LRRC7: variants seen among roughly 807,000 people sequenced by gnomAD.
The protein encoded by LRRC7 is leucine-rich repeat-containing protein 7.
LRRC7 carries 23 observed loss-of-function variants against 175.7 expected under a neutral mutation model. That is an observed-to-expected ratio of 0.13 (90% CI 0.09 to 0.19). LRRC7 has a LOEUF of 0.19. Ranked by LOEUF, LRRC7 falls within the 10% of genes least tolerant of loss-of-function variation. The pLI, the probability that LRRC7 is intolerant of heterozygous loss-of-function variation, is 1.00. For missense variants in LRRC7, 1,354 were observed against 1,904.7 expected (o/e 0.71, Z 5.38); for synonymous variants, 685 against 680.9 (o/e 1.01, Z -0.09).
At chr1:69,646,764 A>C (rs542572180) in intron 1 of LRRC7, among the ~76,000 whole-genome samples, 1 of 152,188 alleles carries the variant, frequency 6.6e-6, no homozygotes, top group Non-Finnish European at 1.5e-5. Flanking sequence ...CCTCTATAGT[A>C]GTGCTTATCA....
At chr1:69,919,438 A>T (rs1413836683) in intron 7 of LRRC7, 3 of 947,438 alleles carry the variant, frequency 3.2e-6, no homozygotes, top group Non-Finnish European at 4.9e-6. Context: ...CTTCAACCAC[A>T]TCACTAACCC....
intron 1 of LRRC7, among the ~76,000 whole-genome samples, chr1:69,660,550 T>C (rs1158956999): frequency 6.6e-6 from 1 of 151,976 alleles, no homozygotes; most frequent in East Asian, 1.9e-4. Context: ...AATGTTGATG[T>C]AGGAGTGGTA....
intron 1 of LRRC7, among the ~76,000 whole-genome samples, chr1:69,599,786 T>A (rs534969201): frequency 2.6e-4 from 40 of 152,282 alleles, no homozygotes; most frequent in African/African-American, 9.4e-4. Context: ...GAAGGATAAA[T>A]CTATTTTCAC....
intron 4 of LRRC7, among the ~76,000 whole-genome samples, chr1:69,798,708 C>G (rs1044340112): frequency 2.0e-5 from 3 of 152,062 alleles, no homozygotes; most frequent in African/African-American, 7.2e-5. Context: ...TTCCCACTTC[C>G]TCCCTCTCAG....
At chr1:69,714,539 A>T (rs1196601378) in intron 2 of LRRC7, among the ~76,000 whole-genome samples, 1 of 152,166 alleles carries the variant, frequency 6.6e-6, no homozygotes, top group African/African-American at 2.4e-5. Flanking sequence ...GCTTCCTGGA[A>T]GAGGAAGCTC....
At chr1:70,022,410 G>A (rs1230308877) in intron 16 of LRRC7, 1 of 152,076 alleles carries the variant, frequency 6.6e-6, no homozygotes, top group Non-Finnish European at 1.5e-5. Flanking sequence ...TGTATTCAAA[G>A]AATGCAAGAA....
At chr1:69,915,257 G>C (rs981083267) in intron 7 of LRRC7, among the ~76,000 whole-genome samples, 1 of 152,164 alleles carries the variant, frequency 6.6e-6, no homozygotes, top group African/African-American at 2.4e-5. Context: ...TGAATATTGG[G>C]AGCGGAGGCG....
chr1:70,074,145 T>A (rs1200530091), intron 23 of LRRC7, among the ~76,000 whole-genome samples: 1 of 150,130 alleles, frequency 6.7e-6, no homozygotes, highest in Non-Finnish European at 1.5e-5. Flanking sequence ...GAGGATGCAG[T>A]GCACCAAGAT....
intron 1 of LRRC7, among the ~76,000 whole-genome samples, chr1:69,611,184 A>G (rs746571902): frequency 2.5e-4 from 38 of 151,940 alleles, no homozygotes; most frequent in Non-Finnish European, 7.4e-5. Flanking sequence ...AAGTCACACC[A>G]CTTTAATATA....
At chr1:69,900,237 G>C (rs887725267) in intron 7 of LRRC7, among the ~76,000 whole-genome samples, 1 of 152,150 alleles carries the variant, frequency 6.6e-6, no homozygotes, top group Non-Finnish European at 1.5e-5. Context: ...ATGGAAGAGA[G>C]TCAATAGTTT....
At chr1:70,022,970 T>G (rs1164979313) in intron 16 of LRRC7, among the ~76,000 whole-genome samples, 156 bp from the exon 17 acceptor site, 1 of 152,204 alleles carries the variant, frequency 6.6e-6, no homozygotes, top group Non-Finnish European at 1.5e-5. Flanking sequence ...ATAAAATTAG[T>G]ACTGTTTTAT....
chr1:69,958,092 A>T (rs1336519783), intron 8 of LRRC7, among the ~76,000 whole-genome samples: 3 of 151,998 alleles, frequency 2.0e-5, no homozygotes, highest in Non-Finnish European at 4.4e-5. Flanking sequence ...TCATCTAATG[A>T]TTCTAAAATG....
chr1:69,939,047 CTATCT>C (rs1648413145), intron 8 of LRRC7, among the ~76,000 whole-genome samples: 1 of 55,972 alleles, frequency 1.8e-5, no homozygotes, highest in East Asian at 8.1e-4. Context: ...ATATCTATAT[CTATCT>C]CACAGACATT....
chr1:69,990,922 A>C (rs530702554), intron 10 of LRRC7, among the ~76,000 whole-genome samples: 1 of 152,268 alleles, frequency 6.6e-6, no homozygotes, highest in African/African-American at 2.4e-5. Context: ...CAAAACACAG[A>C]AAGTTTGATT....
At chr1:70,101,732 C>G (rs724681) in intron 25 of LRRC7, among the ~76,000 whole-genome samples, 14,311 of 152,150 alleles carry the variant, frequency 0.094, 862 homozygotes, top group South Asian at 0.18. Context: ...TCACTTATGA[C>G]TTGTATAAAG....
chr1:69,959,778 C>T (rs960437028), intron 8 of LRRC7, among the ~76,000 whole-genome samples: 2 of 151,972 alleles, frequency 1.3e-5, no homozygotes, highest in Non-Finnish European at 2.9e-5. Context: ...ATCAGGTGAA[C>T]GGTCTTAGAA....
chr1:70,037,541 A>G (rs1479179358), intron 20 of LRRC7, among the ~76,000 whole-genome samples: 1 of 152,162 alleles, frequency 6.6e-6, no homozygotes, highest in East Asian at 1.9e-4. Flanking sequence ...TGTCTTCAAA[A>G]CCTGACCTTC....
At position 70,134,449 on chromosome 1, in the gene LRRC7, G is replaced by A. The variant is rs1666788791; in HGVS notation, c.*12562G>A. Among the ~76,000 whole-genome samples the A allele has an allele frequency of 6.6e-6, 1 of 152,132 alleles. No individual in the cohort carries two copies. The highest frequency in any genetic ancestry group is 1.5e-5 in the Non-Finnish European group (1 of 68,026). On this transcript the variant is annotated 3_prime_UTR_variant, in exon 27 of 27. Transcript: ENST00000651989. ...ACCCTCACAGCTTAGCCAGCCTCCT[G>A]GTCTGAGCTTCTTCTTTGCTAATTC...
At chr1:70,035,836 A>G (rs1659260189) in intron 18 of LRRC7, among the ~76,000 whole-genome samples, 1 of 152,130 alleles carries the variant, frequency 6.6e-6, no homozygotes, top group Non-Finnish European at 1.5e-5. Context: ...AGAGGGCACC[A>G]GCCACATTTT....
Sources: allele counts gnomAD v4.1 joint callset (sites outside exome capture counted in the v4.1 genomes callset), GRCh38; gene constraint gnomAD v4.1.1; transcripts MANE v1.5; gene names NCBI Gene and HGNC (gene_info 2026-07-23, HGNC 2026-07-21).